The following PKIG variants were observed in gnomAD, a reference collection of about 807,000 sequenced individuals.
The protein encoded by PKIG is cAMP-dependent protein kinase inhibitor gamma, also known as protein kinase (cAMP-dependent, catalytic) inhibitor gamma.
Under a neutral mutation model 6.8 loss-of-function variants are expected in PKIG, and 1 was observed. That is an observed-to-expected ratio of 0.15 (90% CI 0.05 to 0.69). The LOEUF is 0.69. PKIG is among the 30% of genes least tolerant of loss of function. The probability of loss-of-function intolerance (pLI) is 0.82; values close to 1 mark genes in which losing one functional copy is unlikely to be tolerated. For synonymous variants in PKIG, 39 were observed against 43.0 expected (o/e 0.91, Z 0.36); for missense variants, 77 against 104.0 (o/e 0.74, Z 1.13).
At chr20:44,575,432 T>G (rs2064888882) in intron 1 of PKIG, among the ~76,000 whole-genome samples, 1 of 152,226 alleles carries the variant, frequency 6.6e-6, no homozygotes, top group Admixed American at 6.5e-5. Flanking sequence ...TTGGCCAGGC[T>G]GGTCTCAAAC....
upstream of PKIG, among the ~76,000 whole-genome samples, chr20:44,578,868 T>C (rs1285799358): frequency 6.6e-6 from 1 of 152,112 alleles, no homozygotes; most frequent in Non-Finnish European, 1.5e-5. Flanking sequence ...ATGAGGTAAT[T>C]TATATAAAGC....
chr20:44,538,390 A>G (rs968007361), intron 1 of PKIG, among the ~76,000 whole-genome samples: 1 of 152,228 alleles, frequency 6.6e-6, no homozygotes, highest in African/African-American at 2.4e-5. Context: ...ACTATATCTA[A>G]TAAGTCCTGG....
At chr20:44,617,744 A>ACT (rs376003730) in intron 3 of PKIG, among the ~76,000 whole-genome samples, 1 of 151,912 alleles carries the variant, frequency 6.6e-6, no homozygotes, top group South Asian at 2.1e-4. Context: ...AGTGCTCTTT[A>ACT]CTCTCTTAGA....
chr20:44,534,497 A>G (rs1420874902), intron 1 of PKIG, among the ~76,000 whole-genome samples: 3 of 149,682 alleles, frequency 2.0e-5, no homozygotes, highest in South Asian at 2.1e-4. Flanking sequence ...GGGACAGGGT[A>G]TCACTCTGTC....
At chr20:44,541,980 C>G (rs1481422740) in intron 1 of PKIG, among the ~76,000 whole-genome samples, 1 of 152,130 alleles carries the variant, frequency 6.6e-6, no homozygotes, top group East Asian at 1.9e-4. Flanking sequence ...TAAGCCACCA[C>G]TCCCGGCCAA....
chr20:44,609,535 C>T (rs2123459718), intron 2 of PKIG, among the ~76,000 whole-genome samples: 1 of 152,324 alleles, frequency 6.6e-6, no homozygotes, highest in East Asian at 1.9e-4. Flanking sequence ...CAAACTCCCT[C>T]TCCTTCAGAG....
chr20:44,613,234 C>T (rs1351649006), intron 2 of PKIG, among the ~76,000 whole-genome samples: 6 of 152,256 alleles, frequency 3.9e-5, no homozygotes, highest in Admixed American at 3.3e-4. Flanking sequence ...GGCACAATCT[C>T]GGCTCACTGC....
chr20:44,609,721 A>C (rs1568834729), intron 2 of PKIG, among the ~76,000 whole-genome samples: 1 of 152,132 alleles, frequency 6.6e-6, no homozygotes, highest in Non-Finnish European at 1.5e-5. Flanking sequence ...TGACAGTCTA[A>C]CTGAGGAAGA....
At chr20:44,581,103 G>A (rs562424693), upstream of PKIG, among the ~76,000 whole-genome samples, 12 of 152,312 alleles carry the variant, frequency 7.9e-5, no homozygotes, top group African/African-American at 2.9e-4. Context: ...TGCTGACCTA[G>A]TTAGGAGTTG....
upstream of PKIG, among the ~76,000 whole-genome samples, chr20:44,578,320 C>T (rs1412384785): frequency 7.2e-6 from 1 of 138,598 alleles, no homozygotes; most frequent in Admixed American, 7.3e-5. Flanking sequence ...CAGCCTGAGA[C>T]TCCATCTCAA....
intron 1 of PKIG, among the ~76,000 whole-genome samples, chr20:44,549,927 G>C (rs2064652678): frequency 6.6e-6 from 1 of 151,960 alleles, no homozygotes; most frequent in African/African-American, 2.4e-5. Flanking sequence ...ATCTCTTTCA[G>C]TGAAAAGGGA....
intron 2 of PKIG, among the ~76,000 whole-genome samples, chr20:44,607,359 G>GTATA (rs1265371034): frequency 9.5e-4 from 122 of 128,984 alleles, no homozygotes; most frequent in Non-Finnish European, 1.4e-3. Context: ...GTGTGTGTGT[G>GTATA]TATATATATA....
intron 1 of PKIG, among the ~76,000 whole-genome samples, chr20:44,545,564 T>C (rs1189722027): frequency 6.6e-6 from 1 of 152,178 alleles, no homozygotes; most frequent in Non-Finnish European, 1.5e-5. Flanking sequence ...AACTCTCACC[T>C]GTAATCCTAG....
intron 1 of PKIG, among the ~76,000 whole-genome samples, chr20:44,532,731 G>A (rs2064478040): frequency 6.6e-6 from 1 of 152,204 alleles, no homozygotes; most frequent in Non-Finnish European, 1.5e-5. Flanking sequence ...CCAAAAGAAG[G>A]TGACTTCCAA....
Position 44,566,891 on chromosome 20 carries a change from T to C in PKIG, c.-240-15694T>C, listed in dbSNP as rs188249108. Among the ~76,000 whole-genome samples the C allele has an allele frequency of 2.8e-3, 425 of 152,250 alleles. 6 individuals are homozygous for C. Among genetic ancestry groups the C allele is most frequent in the African/African-American group, 9.7e-3 (402 of 41,544 alleles). ...AATATGCTAGTCCCAGTCTACTAAA[T>C]TGATTTCATGTTCCACAAATCAGTT... On this transcript the variant is annotated intron_variant, in intron 1 of 4. Coordinates refer to the PKIG transcript ENST00000372887.
chr20:44,594,531 C>A (rs1338594151), intron 2 of PKIG, among the ~76,000 whole-genome samples: 1 of 152,198 alleles, frequency 6.6e-6, no homozygotes, highest in Non-Finnish European at 1.5e-5. Context: ...GGGTTGATAT[C>A]TCTGTTTTAC....
chr20:44,537,933 T>G (rs1427863345), intron 1 of PKIG, among the ~76,000 whole-genome samples: 1 of 151,960 alleles, frequency 6.6e-6, no homozygotes, highest in Non-Finnish European at 1.5e-5. Context: ...TATGAATAAT[T>G]GGGAAAATAA....
At chr20:44,579,243 A>T (rs1296083917), upstream of PKIG, among the ~76,000 whole-genome samples, 1 of 152,252 alleles carries the variant, frequency 6.6e-6, no homozygotes, top group Non-Finnish European at 1.5e-5. Context: ...TTCTTAAGAG[A>T]GAAACAGAGC....
chr20:44,577,500 C>A lies in PKIG; in HGVS notation c.-240-5085C>A, dbSNP rs144509015. Among the ~76,000 whole-genome samples, 13 of 152,122 alleles carry A rather than the reference C, an allele frequency of 8.5e-5. No homozygotes were observed. The South Asian group carries it at 2.7e-3, about 32-fold the overall frequency. On this transcript the variant is annotated intron_variant, in intron 1 of 4. Coordinates refer to the PKIG transcript ENST00000372887. ...GCCTTACACCAGGATTGTGGTGAGA[C>A]GATGTATTGTTCTCCTTTCTTTTTT...
Sources: allele counts gnomAD v4.1 joint callset (sites outside exome capture counted in the v4.1 genomes callset), GRCh38; gene constraint gnomAD v4.1.1; transcripts MANE v1.5; gene names NCBI Gene and HGNC (gene_info 2026-07-23, HGNC 2026-07-21).